The following XIRP2 variants were observed in gnomAD, a reference collection of about 807,000 sequenced individuals.
XIRP2 encodes xin actin-binding repeat-containing protein 2.
In XIRP2, 236 loss-of-function variants were observed where a neutral mutation model predicts 277.0. The observed-to-expected ratio is 0.85, with a 90% CI of 0.77 to 0.95. XIRP2 has a LOEUF of 0.95. Ranked by LOEUF, XIRP2 falls within the 40% of genes least tolerant of loss-of-function variation. The pLI, the probability that XIRP2 is intolerant of heterozygous loss-of-function variation, is 0.00. For missense variants in XIRP2, 4,640 were observed against 4,157.5 expected, an observed-to-expected ratio of 1.12 and a Z score of -3.19; for synonymous variants, 1,490 against 1,416.5, an observed-to-expected ratio of 1.05 and a Z score of -1.17.
chr2:167,002,977 A>C (rs1687411001), intron 2 of XIRP2, among the ~76,000 whole-genome samples: 1 of 151,922 alleles, frequency 6.6e-6, no homozygotes, highest in African/African-American at 2.4e-5. Flanking sequence ...AAAAGTCACT[A>C]GCATATTTGC....
In XIRP2 at chr2:167,250,638, C is replaced by G; in HGVS notation, c.9246C>G (p.His3082Gln). Reference sequence around the variant, plus strand: ...TTGCCAAAGAGAAAACAGTACAGCACCAAGTAGCAGCTCATCATGAAGCAA... The same window carrying G: ...TTGCCAAAGAGAAAACAGTACAGCAGCAAGTAGCAGCTCATCATGAAGCAA... ...NKIAKEKTVQHQVAAHHEATV... is the reference protein window; with the variant it reads ...NKIAKEKTVQQQVAAHHEATV... Residue 3082 changes from histidine (H) to glutamine (Q), a missense_variant, in exon 9 of 11, where the codon CAC (histidine) becomes CAG (glutamine). Transcript: ENST00000409195. The G allele has an allele frequency of 2.5e-6, 4 of 1,613,438 alleles. No homozygotes were observed. The highest frequency in any genetic ancestry group is 3.4e-6 in the Non-Finnish European group (4 of 1,179,678).
At chr2:167,069,476 T>TCC (rs977356720) in intron 2 of XIRP2, among the ~76,000 whole-genome samples, 12 of 152,318 alleles carry the variant, frequency 7.9e-5, no homozygotes, top group African/African-American at 2.9e-4. Context: ...CTCTAGTGTG[T>TCC]CCCACACTCT....
At chr2:167,008,635 G>C (rs1687570451) in intron 2 of XIRP2, among the ~76,000 whole-genome samples, 1 of 151,466 alleles carries the variant, frequency 6.6e-6, no homozygotes, top group Non-Finnish European at 1.5e-5. Context: ...TTACATCACA[G>C]AAATAAGGAA....
chr2:167,066,656 G>A (rs939582080), intron 2 of XIRP2, among the ~76,000 whole-genome samples: 6 of 151,952 alleles, frequency 3.9e-5, no homozygotes, highest in Non-Finnish European at 7.4e-5. Flanking sequence ...GGATGTCAAA[G>A]GAGTATCTGC....
chr2:166,915,711 T>A (rs1684853880), intron 2 of XIRP2, among the ~76,000 whole-genome samples: 1 of 152,220 alleles, frequency 6.6e-6, no homozygotes, highest in South Asian at 2.1e-4. Context: ...AGACTCCAAA[T>A]GGTAAAGCAT....
chr2:167,177,894 A>G (rs556387012), intron 3 of XIRP2, among the ~76,000 whole-genome samples: 1 of 152,248 alleles, frequency 6.6e-6, no homozygotes, highest in South Asian at 2.1e-4. Context: ...TTTTTCTAAT[A>G]GAAGAATTCT....
At chr2:167,025,656 C>T (rs1490140675) in intron 2 of XIRP2, among the ~76,000 whole-genome samples, 6 of 152,112 alleles carry the variant, frequency 3.9e-5, no homozygotes, top group Non-Finnish European at 8.8e-5. Flanking sequence ...TATGTTGTGT[C>T]TTTGTTCTCA....
In XIRP2 at chr2:167,247,629, G is replaced by T; in HGVS notation, c.6237G>T (p.Met2079Ile). Reference sequence around the variant, plus strand: ...AACAGCATCTTAGAGATGAATATATGAGCAGACAATTAACTTCAACTGTGT... The same window carrying T: ...AACAGCATCTTAGAGATGAATATATTAGCAGACAATTAACTTCAACTGTGT... ...TGEQHLRDEY[M>I]SRQLTSTVSV... The change falls in exon 9 of 11, where the codon ATG (methionine) becomes ATT (isoleucine). Residue 2079 changes from methionine to isoleucine, a missense_variant. Transcript: ENST00000409195. 6.2e-7 allele frequency: 1 copy of T among 1,613,642 alleles called. No homozygotes were observed. Among genetic ancestry groups the T allele is most frequent in the South Asian group, 1.1e-5 (1 of 91,062 alleles).
intron 5 of XIRP2, among the ~76,000 whole-genome samples, chr2:167,223,033 G>A (rs567455104): frequency 6.8e-4 from 104 of 152,226 alleles, no homozygotes; most frequent in African/African-American, 2.3e-3. Context: ...AAGAAACATT[G>A]TACCTATTAG....
intron 2 of XIRP2, among the ~76,000 whole-genome samples, chr2:166,944,642 A>G (rs1414704850): frequency 6.6e-6 from 1 of 152,198 alleles, no homozygotes; most frequent in African/African-American, 2.4e-5. Context: ...TGTAACTGGG[A>G]TCAATAATAA....
In XIRP2 at chr2:167,258,249, C is replaced by T; in HGVS notation, c.*432C>T. 6.2e-7 allele frequency: 1 copy of T among 1,613,222 alleles called. No homozygotes were observed. The highest frequency in any genetic ancestry group is 8.5e-7 in the Non-Finnish European group (1 of 1,179,610). ...AAACCTAAGTGGCCACCTGAAATGA[C>T]AACCCTGCTATCCCCTGAATTTAAA... On this transcript the variant is annotated 3_prime_UTR_variant, in exon 11 of 11. Transcript: ENST00000409195.
intron 5 of XIRP2, among the ~76,000 whole-genome samples, chr2:167,232,164 A>C (rs1694777519): frequency 6.6e-6 from 1 of 152,028 alleles, no homozygotes; most frequent in Non-Finnish European, 1.5e-5. Context: ...TCAAAATGGG[A>C]ATCATACAAC....
At chr2:167,196,236 A>G (rs541227117) in intron 3 of XIRP2, among the ~76,000 whole-genome samples, 1 of 152,298 alleles carries the variant, frequency 6.6e-6, no homozygotes, top group African/African-American at 2.4e-5. Flanking sequence ...TTTTTAAGCC[A>G]TGTTACATTT....
rs141956690 is a variant in XIRP2, at chr2:167,028,267, A to G, written c.409-107642A>G. ...ACTATTAACCAAAATTTTGTGCAAAAAATTAAACCTCAAGATAGTATGTAT... is the reference window on the plus strand; with the variant it reads ...ACTATTAACCAAAATTTTGTGCAAAGAATTAAACCTCAAGATAGTATGTAT... On this transcript the variant is annotated intron_variant, in intron 2 of 10. Coordinates refer to ENST00000409195, the MANE Select transcript of XIRP2 (RefSeq NM_152381.6). Among the ~76,000 whole-genome samples, 38 of 152,188 alleles carry G rather than the reference A, an allele frequency of 2.5e-4. No individual in the cohort carries two copies. In the East Asian group the frequency reaches 5.8e-3, roughly 23 times the overall value.
chr2:167,201,612 A>G (rs1305839978), intron 3 of XIRP2, among the ~76,000 whole-genome samples: 5 of 152,152 alleles, frequency 3.3e-5, no homozygotes, highest in Non-Finnish European at 5.9e-5. Context: ...ATGGTGACCA[A>G]AGCAATATAG....
intron 2 of XIRP2, among the ~76,000 whole-genome samples, chr2:166,936,795 A>T (rs1380606409): frequency 6.6e-6 from 1 of 152,144 alleles, no homozygotes; most frequent in Non-Finnish European, 1.5e-5. Flanking sequence ...TACCAGTACC[A>T]TGCTGTTTTG....
chr2:167,184,497 C>G (rs1194351298), intron 3 of XIRP2: 2 of 706,928 alleles, frequency 2.8e-6, no homozygotes, highest in South Asian at 1.5e-5. Context: ...TTGCTCCAGT[C>G]CCATGGAATT....
chr2:166,903,574 G>A lies in XIRP2; in HGVS notation c.92G>A (p.Ser31Asn). The change falls in exon 2 of 11, where the codon AGC becomes AAC. Residue 31 changes from serine to asparagine, a missense_variant. Transcript: ENST00000409195. ...AGAAGTGAGTGTCATCCCAGGGACA[G>A]CCATTGTACAATTTTCCAGCCTCAG... is the stretch of plus-strand genomic sequence containing the variant. ...YQRSECHPRDSHCTIFQPQES... is the reference protein window; with the variant it reads ...YQRSECHPRDNHCTIFQPQES... 6.2e-7 allele frequency: 1 copy of A among 1,613,626 alleles called. No homozygotes were observed. The highest frequency in any genetic ancestry group is 1.3e-5 in the African/African-American group (1 of 75,004).
At chr2:166,945,143 C>G (rs1317097413) in intron 2 of XIRP2, among the ~76,000 whole-genome samples, 2 of 152,070 alleles carry the variant, frequency 1.3e-5, no homozygotes, top group African/African-American at 4.8e-5. Flanking sequence ...TTGTCTAGAC[C>G]AGGGTCATCC....
Sources: allele counts gnomAD v4.1 joint callset (sites outside exome capture counted in the v4.1 genomes callset), GRCh38; gene constraint gnomAD v4.1.1; transcripts MANE v1.5; gene names NCBI Gene and HGNC (gene_info 2026-07-23, HGNC 2026-07-21).